HMOX2: variants seen among roughly 807,000 people sequenced by gnomAD.
The protein encoded by HMOX2 is heme oxygenase (decycling) 2.
In HMOX2, 30 loss-of-function variants were observed where a neutral mutation model predicts 33.7. The observed-to-expected ratio is 0.89, with a 90% CI of 0.67 to 1.21. HMOX2 has a LOEUF of 1.21. Ranked by LOEUF, HMOX2 falls within the 50% of genes most tolerant of loss-of-function variation. The pLI is 0.00. For synonymous variants in HMOX2, 155 were observed against 155.0 expected, an observed-to-expected ratio of 1.00 and a Z score of 0.00; for missense variants, 403 against 399.1, an observed-to-expected ratio of 1.01 and a Z score of -0.08.
At chr16:4,483,034 A>AG (rs1227691141) in intron 1 of HMOX2, among the ~76,000 whole-genome samples, 2 of 152,082 alleles carry the variant, frequency 1.3e-5, no homozygotes, top group Non-Finnish European at 2.9e-5. Flanking sequence ...AGAAAAAAAA[A>AG]GGATACAGAT....
At chr16:4,490,369 C>T (rs1166476589) in intron 1 of HMOX2, among the ~76,000 whole-genome samples, 1 of 152,112 alleles carries the variant, frequency 6.6e-6, no homozygotes, top group East Asian at 1.9e-4. Flanking sequence ...AGAAATGACT[C>T]CTTGGAGCTC....
intron 1 of HMOX2, among the ~76,000 whole-genome samples, chr16:4,488,085 T>C (rs943934018): frequency 2.7e-5 from 4 of 148,290 alleles, no homozygotes; most frequent in African/African-American, 1.0e-4. Context: ...ACCGTGCCAT[T>C]GCACTCCATT....
chr16:4,493,113 C>T (rs1362091332), intron 1 of HMOX2, among the ~76,000 whole-genome samples: 2 of 152,154 alleles, frequency 1.3e-5, no homozygotes, highest in African/African-American at 4.8e-5. Flanking sequence ...AGCTCACTGC[C>T]GCCTTTACCT....
intron 1 of HMOX2, among the ~76,000 whole-genome samples, chr16:4,485,434 C>G (rs2058143467): frequency 6.6e-6 from 1 of 152,106 alleles, no homozygotes; most frequent in Non-Finnish European, 1.5e-5. Flanking sequence ...TTACTAGGAG[C>G]TGGTAGTAAC....
At chr16:4,503,651 T>G (rs2058615487) in intron 1 of HMOX2, among the ~76,000 whole-genome samples, 1 of 152,334 alleles carries the variant, frequency 6.6e-6, no homozygotes, top group East Asian at 1.9e-4. Context: ...CTTGACTTCC[T>G]AAAATAATCC....
At chr16:4,474,796 G>A (rs1177435677), upstream of HMOX2, 1 of 152,324 alleles carries the variant, frequency 6.6e-6, no homozygotes. Flanking sequence ...GTGATGACTG[G>A]GAGGAGGAGA....
At chr16:4,485,976 A>C (rs569021724) in intron 1 of HMOX2, among the ~76,000 whole-genome samples, 47 of 152,158 alleles carry the variant, frequency 3.1e-4, no homozygotes, top group Admixed American at 5.2e-4. Flanking sequence ...CACCCACCTC[A>C]GCCTCCCAAA....
At chr16:4,496,633 A>C (rs1215796293) in intron 1 of HMOX2, 1 of 152,182 alleles carries the variant, frequency 6.6e-6, no homozygotes, top group Non-Finnish European at 1.5e-5. Flanking sequence ...CCTTGCATTC[A>C]GAATGACTCA....
At chr16:4,480,193 A>T (rs2057983455) in intron 1 of HMOX2, among the ~76,000 whole-genome samples, 1 of 148,128 alleles carries the variant, frequency 6.8e-6, no homozygotes, top group Non-Finnish European at 1.5e-5. Context: ...GACTACAGGC[A>T]TGCACCACCA....
Position 4,510,005 on chromosome 16 carries a change from C to T in HMOX2, c.*249C>T. 5 of 535,038 alleles carry T rather than the reference C, an allele frequency of 9.3e-6. No homozygotes were observed. In the South Asian group the frequency reaches 1.3e-4, roughly 14 times the overall value. 33.1% of individuals were successfully genotyped at this position (535,038 alleles called of 1,614,324 possible). A position where few individuals can be genotyped will look rare whatever the true frequency, so the allele number is the denominator to read the frequency against. ...CAGTGCAGCAAGCCTGGCCCCCGAC[C>T]CAGCTCTACTCCAGGCTTCCACACT... On this transcript the variant is annotated 3_prime_UTR_variant, in exon 6 of 6. Transcript: ENST00000570646.
chr16:4,484,704 G>A (rs915824296), intron 1 of HMOX2, among the ~76,000 whole-genome samples: 4 of 150,778 alleles, frequency 2.7e-5, no homozygotes, highest in Non-Finnish European at 5.9e-5. Flanking sequence ...CAGGTGAGCC[G>A]CCTGCCGCGG....
chr16:4,483,034 A>G lies in HMOX2; in HGVS notation c.-42+6547A>G, dbSNP rs144549503. ...GGGCGACAGACTGGAAGAAAAAAAA[A>G]GGATACAGATGAATAGCCAGATGGA... On this transcript the variant is annotated intron_variant, in intron 1 of 5. Transcript: ENST00000570646. Among the ~76,000 whole-genome samples, 14 of 152,200 alleles carry G rather than the reference A, an allele frequency of 9.2e-5. No individual in the cohort carries two copies. The East Asian group carries it at 2.7e-3, about 29-fold the overall frequency.
intron 4 of HMOX2, among the ~76,000 whole-genome samples, chr16:4,508,730 C>T (rs1300155974): frequency 6.6e-6 from 1 of 152,160 alleles, no homozygotes; most frequent in East Asian, 1.9e-4. Flanking sequence ...CTCATTCTCC[C>T]ATGTTCCAGG....
chr16:4,482,647 C>T (rs181403359), intron 1 of HMOX2, among the ~76,000 whole-genome samples: 128 of 152,276 alleles, frequency 8.4e-4, no homozygotes, highest in Non-Finnish European at 1.3e-3. Context: ...AATCCCTCCT[C>T]GAGTTTGATT....
At chr16:4,485,559 A>G (rs2058146713) in intron 1 of HMOX2, among the ~76,000 whole-genome samples, 1 of 152,166 alleles carries the variant, frequency 6.6e-6, no homozygotes, top group South Asian at 2.1e-4. Flanking sequence ...TACTGAACCC[A>G]TTAGGACAGA....
chr16:4,502,420 G>A (rs1334622980), intron 1 of HMOX2, among the ~76,000 whole-genome samples: 2 of 152,210 alleles, frequency 1.3e-5, no homozygotes, highest in Non-Finnish European at 2.9e-5. Context: ...TTGGTAACCT[G>A]GGCCATGGAT....
At chr16:4,490,342 C>G (rs2141554157) in intron 1 of HMOX2, among the ~76,000 whole-genome samples, 1 of 152,134 alleles carries the variant, frequency 6.6e-6, no homozygotes, top group East Asian at 1.9e-4. Flanking sequence ...CAAAGCCATC[C>G]TCCCTGCAGT....
chr16:4,479,820 C>A (rs35341418), intron 1 of HMOX2, among the ~76,000 whole-genome samples: 16,440 of 142,766 alleles, frequency 0.12, 1,931 homozygotes, highest in African/African-American at 0.3. Context: ...CTCACTGCAA[C>A]CTCCGCCTCC....
At chr16:4,491,359 A>C (rs114315946) in intron 1 of HMOX2, among the ~76,000 whole-genome samples, 47 of 152,164 alleles carry the variant, frequency 3.1e-4, no homozygotes, top group African/African-American at 1.1e-3. Context: ...TGCAGAATTT[A>C]TTTTGCTAGG....
Sources: allele counts gnomAD v4.1 joint callset (sites outside exome capture counted in the v4.1 genomes callset), GRCh38; gene constraint gnomAD v4.1.1; transcripts MANE v1.5; gene names NCBI Gene and HGNC (gene_info 2026-07-23, HGNC 2026-07-21).